The following OGA variants were observed in gnomAD, a reference collection of about 807,000 sequenced individuals.
The protein encoded by OGA is O-GlcNAcase.
A neutral mutation model predicts 102.0 loss-of-function variants in OGA; 21 were observed. The ratio of observed to expected loss-of-function variants is 0.21; its 90% CI spans 0.15 to 0.30. OGA has a LOEUF of 0.30. OGA is among the 10% of genes least tolerant of loss of function. OGA has a pLI of 1.00. For synonymous variants in OGA, 408 were observed against 378.2 expected, an observed-to-expected ratio of 1.08 and a Z score of -0.91; for missense variants, 765 against 1,107.8, an observed-to-expected ratio of 0.69 and a Z score of 4.39.
intron 12 of OGA, 50 bp from the exon 13 acceptor site, chr10:101,791,489 A>C: frequency 6.9e-7 from 1 of 1,456,506 alleles, no homozygotes; most frequent in Non-Finnish European, 9.6e-7. Context: ...TGGCAGCAGA[A>C]TCTAACAATA....
intron 1 of OGA, among the ~76,000 whole-genome samples, chr10:101,816,232 C>G (rs1385795915): frequency 6.6e-6 from 1 of 152,168 alleles, no homozygotes; most frequent in Admixed American, 6.5e-5. Flanking sequence ...CACTGCACTC[C>G]AGCCTGGGCG....
At position 101,798,989 on chromosome 10, in the gene OGA, G is replaced by C. The variant is rs114282663; in HGVS notation, c.1662C>G (p.Thr554=). The part of the protein sequence containing the change: ...EKPLYTAEPV[T]LEDLQLLADL... The stretch of plus-strand genomic sequence containing the variant: ...CAGCAAGTAACTGCAAATCCTCCAG[G>C]GTCACTGGTTCCGCAGTGTACAAAG... Residue 554 remains threonine (T), a synonymous_variant, in exon 9 of 16, where the codon ACC becomes ACG. Coordinates refer to ENST00000361464, the MANE Select transcript of OGA (RefSeq NM_012215.5). 8,663 of 1,614,080 alleles carry C rather than the reference G, an allele frequency of 5.4e-3. 286 individuals are homozygous for C. In the South Asian group the frequency reaches 0.068, roughly 13 times the overall value.
intron 7 of OGA, among the ~76,000 whole-genome samples, chr10:101,802,655 G>A (rs1217990162): frequency 6.7e-6 from 1 of 149,272 alleles, no homozygotes; most frequent in Admixed American, 6.7e-5. Flanking sequence ...GGCAACAAGA[G>A]CAAGACTCCA....
Position 101,791,374 on chromosome 10 carries a change from C to T in OGA, c.2241G>A (p.Gln747=). 1 of 1,613,780 alleles carries T rather than the reference C, an allele frequency of 6.2e-7. No individual in the cohort carries two copies. Among genetic ancestry groups the T allele is most frequent in the Non-Finnish European group, 8.5e-7 (1 of 1,179,692 alleles). The stretch of plus-strand genomic sequence containing the variant: ...CATACTTGTCTCCAATAAGATCAGG[C>T]TGACTTTGAAAGGGTAAACCCACTC... ...DDGVGLPFQS[Q]PDLIGDKLVG... is the part of the protein sequence containing the mutation. Residue 747 remains glutamine (Q), a synonymous_variant, in exon 13 of 16, where the codon CAG becomes CAA. Transcript: ENST00000361464.
intron 12 of OGA, among the ~76,000 whole-genome samples, chr10:101,791,693 A>T (rs551959686): frequency 6.6e-6 from 1 of 152,240 alleles, no homozygotes; most frequent in African/African-American, 2.4e-5. Flanking sequence ...TTTTTGAGAC[A>T]AAGTCTTGCT....
At chr10:101,807,629 C>T in intron 5 of OGA, 101 bp downstream of exon 5, 1 of 842,502 alleles carries the variant, frequency 1.2e-6, no homozygotes, top group Non-Finnish European at 1.7e-6. Context: ...CTTTTACACA[C>T]CAAAGGAGGA....
At chr10:101,810,100 CCTTTT>C (rs1307205199) in intron 4 of OGA, 79 bp downstream of exon 4, 1 of 1,259,766 alleles carries the variant, frequency 7.9e-7, no homozygotes, top group Non-Finnish European at 1.1e-6. Context: ...AATTTGATTT[CCTTTT>C]AACATCGTAA....
At chr10:101,804,049 G>T in intron 6 of OGA, 30 bp from the exon 7 acceptor site, 2 of 1,585,168 alleles carry the variant, frequency 1.3e-6, no homozygotes, top group Non-Finnish European at 1.7e-6. Flanking sequence ...TTCGTTAAAA[G>T]AATCATGGTT....
At chr10:101,804,146 C>T in intron 6 of OGA, 127 bp from the exon 7 acceptor site, 1 of 664,270 alleles carries the variant, frequency 1.5e-6, no homozygotes. Flanking sequence ...GGAGTTCGGA[C>T]CAGCCTGGGC....
chr10:101,795,351 G>A (rs1015829195), intron 10 of OGA, among the ~76,000 whole-genome samples: 6 of 152,114 alleles, frequency 3.9e-5, no homozygotes, highest in Non-Finnish European at 7.4e-5. Flanking sequence ...CATGTCTACC[G>A]CCCTTAAATC....
rs1211479150 is a variant in OGA, at chr10:101,813,146, T to C, written c.252-19A>G. 4.6e-6 allele frequency: 7 copies of C among 1,508,988 alleles called. No individual in the cohort carries two copies. In the African/African-American group the frequency reaches 8.3e-5, roughly 18 times the overall value. The allele number at this position is 1,508,988 out of a possible 1,614,324, so 93.5% of individuals were successfully genotyped here. On this transcript the variant is annotated intron_variant, in intron 2 of 15. Transcript: ENST00000361464. ...CTGGAGCCTTAAGGAGAAAGAAAAT[T>C]ACATATGTATAAACAGGCAACATTC...
rs759029359 is a variant in OGA, at chr10:101,800,200, C to A, written c.1195+42G>T. 4 of 1,585,520 alleles carry A rather than the reference C, an allele frequency of 2.5e-6. No homozygotes were observed. The South Asian group carries it at 4.5e-5, about 18-fold the overall frequency. Reference sequence around the variant, plus strand: ...CAGTGTTCTTTACTTTGTGACTCAACTATGTGATCTAACCCCCTTAACAAA... The same window carrying A: ...CAGTGTTCTTTACTTTGTGACTCAAATATGTGATCTAACCCCCTTAACAAA... On this transcript the variant is annotated intron_variant, in intron 8 of 15. Coordinates refer to ENST00000361464, the MANE Select transcript of OGA (RefSeq NM_012215.5).
chr10:101,807,373 A>T (rs1038620106), intron 5 of OGA, among the ~76,000 whole-genome samples: 19 of 152,210 alleles, frequency 1.2e-4, no homozygotes, highest in African/African-American at 3.9e-4. Flanking sequence ...ACAGATATGC[A>T]TGGGCAGAAA....
intron 7 of OGA, among the ~76,000 whole-genome samples, chr10:101,803,448 T>TAAA (rs575226082): frequency 2.7e-5 from 2 of 74,302 alleles, no homozygotes; most frequent in African/African-American, 5.2e-5. Flanking sequence ...TGAATCATAC[T>TAAA]AAAAAAAAAA....
chr10:101,816,872 T>C (rs1258359432), intron 1 of OGA, among the ~76,000 whole-genome samples: 1 of 152,326 alleles, frequency 6.6e-6, no homozygotes, highest in Non-Finnish European at 1.5e-5. Context: ...CCATACCTTT[T>C]TGGTTTTTTA....
chr10:101,804,615 AG>A (rs1162691344), intron 6 of OGA, among the ~76,000 whole-genome samples: 1 of 152,026 alleles, frequency 6.6e-6, no homozygotes, highest in African/African-American at 2.4e-5. Flanking sequence ...TTTCTGAGAC[AG>A]GGTCTCCTCT....
intron 6 of OGA, among the ~76,000 whole-genome samples, chr10:101,805,527 T>C (rs1589835174): frequency 6.6e-6 from 1 of 151,700 alleles, no homozygotes. Flanking sequence ...TGGTGGCGTG[T>C]GCCTGTAATC....
Position 101,787,401 on chromosome 10 carries a change from G to A in OGA, c.2577C>T (p.Ser859=). 1 of 1,613,948 alleles carries A rather than the reference G, an allele frequency of 6.2e-7. No individual in the cohort carries two copies. Among genetic ancestry groups the A allele is most frequent in the Non-Finnish European group, 8.5e-7 (1 of 1,179,848 alleles). ...KKVTDPSVAK[S]MMACLLSSLK... is the part of the protein sequence containing the mutation. ...GTGAAGACAGGAGGCAAGCCATCATGCTTTTGGCCACACTTGGGTCAGTTA... is the reference window on the plus strand; with the variant it reads ...GTGAAGACAGGAGGCAAGCCATCATACTTTTGGCCACACTTGGGTCAGTTA... Residue 859 remains serine (S), a synonymous_variant, in exon 15 of 16, where the codon AGC becomes AGT. Coordinates refer to ENST00000361464, the MANE Select transcript of OGA (RefSeq NM_012215.5).
At chr10:101,798,185 A>C in intron 9 of OGA, 31 bp from the exon 10 acceptor site, 1 of 1,601,186 alleles carries the variant, frequency 6.2e-7, no homozygotes, top group Non-Finnish European at 8.5e-7. Flanking sequence ...GACTCAAAAA[A>C]CTGTAAGCTT....
Sources: gnomAD v4.1 joint callset for allele counts (sites outside exome capture counted in the v4.1 genomes callset) on GRCh38, gnomAD v4.1.1 for gene constraint, MANE v1.5 for transcripts, NCBI Gene and HGNC (gene_info 2026-07-23, HGNC 2026-07-21) for gene names.